BMPR1A: variants seen among roughly 807,000 people sequenced by gnomAD.
BMPR1A encodes bone morphogenetic protein receptor type-1A.
BMPR1A carries 7 observed loss-of-function variants against 66.0 expected under a neutral mutation model. That is an observed-to-expected ratio of 0.11 (90% CI 0.06 to 0.20). The LOEUF (loss-of-function observed/expected upper bound fraction) is 0.20. BMPR1A is among the 10% of genes least tolerant of loss of function. BMPR1A has a pLI of 1.00. For missense variants in BMPR1A, 408 were observed against 669.1 expected, an observed-to-expected ratio of 0.61 and a Z score of 4.31; for synonymous variants, 200 against 229.7, an observed-to-expected ratio of 0.87 and a Z score of 1.17.
chr10:86,778,194 AT>A (rs1287489148), intron 1 of BMPR1A, among the ~76,000 whole-genome samples: 2 of 151,404 alleles, frequency 1.3e-5, no homozygotes, highest in African/African-American at 4.9e-5. Context: ...ACCAACACAA[AT>A]TCCTAAACTT....
At chr10:86,821,308 A>T (rs756090247) in intron 1 of BMPR1A, among the ~76,000 whole-genome samples, 8 of 152,234 alleles carry the variant, frequency 5.3e-5, no homozygotes, top group Non-Finnish European at 1.2e-4. Flanking sequence ...TGCTGTAAGT[A>T]TTAAGTGAGC....
chr10:86,924,055 G>C lies in BMPR1A; in HGVS notation c.*336G>C, dbSNP rs1843707469. On this transcript the variant is annotated 3_prime_UTR_variant, in exon 13 of 13. Transcript: ENST00000372037. Reference sequence around the variant, plus strand: ...TACTGAATTGCCTGTTCATAAAACGGTGCTTTCTGTGAAAGCCTTAAGAAG... The same window carrying C: ...TACTGAATTGCCTGTTCATAAAACGCTGCTTTCTGTGAAAGCCTTAAGAAG... 2.4e-6 allele frequency: 1 copy of C among 415,808 alleles called. No individual in the cohort carries two copies. Among genetic ancestry groups the C allele is most frequent in the Non-Finnish European group, 4.5e-6 (1 of 224,066 alleles). 25.8% of individuals were successfully genotyped at this position (415,808 alleles called of 1,614,324 possible). A position where few individuals can be genotyped will look rare whatever the true frequency, so the allele number is the denominator to read the frequency against.
At chr10:86,812,736 T>C (rs1841988261) in intron 1 of BMPR1A, among the ~76,000 whole-genome samples, 1 of 152,172 alleles carries the variant, frequency 6.6e-6, no homozygotes, top group African/African-American at 2.4e-5. Flanking sequence ...GTACATAGCC[T>C]GCCCCACTCT....
At chr10:86,894,385 G>A (rs527686241) in intron 5 of BMPR1A, among the ~76,000 whole-genome samples, 112 of 152,290 alleles carry the variant, frequency 7.4e-4, no homozygotes, top group Admixed American at 2.0e-3. Flanking sequence ...TATCGTATAA[G>A]CATTAATCCT....
intron 2 of BMPR1A, among the ~76,000 whole-genome samples, chr10:86,866,402 T>TTTTTTTTC (rs1247352671): frequency 1.3e-4 from 13 of 96,364 alleles, no homozygotes; most frequent in African/African-American, 5.4e-4. Context: ...TTTCTTTCTT[T>TTTTTTTTC]TTTTTTTTTT....
chr10:86,777,460 A>G (rs1267700682), intron 1 of BMPR1A, among the ~76,000 whole-genome samples: 1 of 152,152 alleles, frequency 6.6e-6, no homozygotes, highest in Non-Finnish European at 1.5e-5. Flanking sequence ...ATATGCCCGT[A>G]GTTCCAGCTA....
intron 2 of BMPR1A, among the ~76,000 whole-genome samples, chr10:86,873,118 A>G (rs538695060): frequency 6.6e-6 from 1 of 152,302 alleles, no homozygotes; most frequent in African/African-American, 2.4e-5. Flanking sequence ...TGTGGCTCTA[A>G]TGAGACAAGG....
chr10:86,775,132 G>C (rs1024507230), intron 1 of BMPR1A, among the ~76,000 whole-genome samples: 1 of 152,196 alleles, frequency 6.6e-6, no homozygotes, highest in Non-Finnish European at 1.5e-5. Context: ...TCTTTGCTAA[G>C]CATGTAATCT....
At position 86,803,448 on chromosome 10, in the gene BMPR1A, A is replaced by AT. The variant is rs542354831; in HGVS notation, c.-267-35410dup. ...TTTACTTTTGATGTCAAACTTAGAC[A>AT]TTTTTTTCCCCATTACAGTAGTGTT... On this transcript the variant is annotated intron_variant, in intron 1 of 12. Coordinates refer to ENST00000372037, the MANE Select transcript of BMPR1A (RefSeq NM_004329.3). 4.7e-4 allele frequency among the ~76,000 whole-genome samples: 71 copies of AT among 150,464 alleles called. 1 individual carries two copies. The South Asian group carries it at 0.014, about 30-fold the overall frequency.
chr10:86,805,493 G>C (rs1184973968), intron 1 of BMPR1A, among the ~76,000 whole-genome samples: 1 of 127,108 alleles, frequency 7.9e-6, no homozygotes, highest in Non-Finnish European at 1.6e-5. Flanking sequence ...ACGGAGTCTC[G>C]CTCTGTCGCC....
At chr10:86,864,046 A>G (rs1842747903) in intron 2 of BMPR1A, among the ~76,000 whole-genome samples, 1 of 152,222 alleles carries the variant, frequency 6.6e-6, no homozygotes, top group African/African-American at 2.4e-5. Flanking sequence ...CCACTTGACC[A>G]GCTGGAACTA....
intron 1 of BMPR1A, among the ~76,000 whole-genome samples, chr10:86,768,310 A>C (rs1050541996): frequency 1.3e-5 from 2 of 152,220 alleles, no homozygotes; most frequent in African/African-American, 2.4e-5. Flanking sequence ...AAGTACATTA[A>C]AAAAACTGTT....
At position 86,924,131 on chromosome 10, in the gene BMPR1A, A is replaced by G. The variant is rs1843708046; in HGVS notation, c.*412A>G. The G allele has an allele frequency of 2.8e-6, 1 of 359,724 alleles. No homozygotes were observed. Among genetic ancestry groups the G allele is most frequent in the Non-Finnish European group, 5.2e-6 (1 of 194,104 alleles). The allele number at this position is 359,724 out of a possible 1,614,324, so 22.3% of individuals were successfully genotyped here. The stretch of plus-strand genomic sequence containing the variant: ...AAATAGACTTTGCCTTTTACCTGAG[A>G]CTTTCAGTTCGTTTGTATTCTACCT... On this transcript the variant is annotated 3_prime_UTR_variant, in exon 13 of 13. Coordinates refer to ENST00000372037, the MANE Select transcript of BMPR1A (RefSeq NM_004329.3).
chr10:86,914,467 C>CA (rs1198105225), intron 8 of BMPR1A, among the ~76,000 whole-genome samples: 1 of 152,136 alleles, frequency 6.6e-6, no homozygotes, highest in Non-Finnish European at 1.5e-5. Flanking sequence ...CACAGATTGG[C>CA]AAAACAGATC....
At chr10:86,883,413 G>C (rs1329405098) in intron 3 of BMPR1A, among the ~76,000 whole-genome samples, 8 of 152,022 alleles carry the variant, frequency 5.3e-5, no homozygotes, top group African/African-American at 7.3e-5. Context: ...AGCCGGGCGT[G>C]GTGGCGGGCG....
rs1418337908 is a variant in BMPR1A, at chr10:86,855,190, C to CA, written c.-153+16212dup. ...ACCTGCTGGGATTACAGGCGTGAGC[C>CA]ACCACACCCTGCGTCGCTAAGTTTT... On this transcript the variant is annotated intron_variant, in intron 2 of 12. Coordinates refer to ENST00000372037, the MANE Select transcript of BMPR1A (RefSeq NM_004329.3). 4 of 595,848 alleles carry CA rather than the reference C, an allele frequency of 6.7e-6. No homozygotes were observed. The African/African-American group carries it at 7.6e-5, about 11-fold the overall frequency. 36.9% of individuals were successfully genotyped at this position (595,848 alleles called of 1,614,324 possible).
chr10:86,923,428 G>A lies in BMPR1A; in HGVS notation c.1395G>A (p.Pro465=), dbSNP rs55845713. The change falls in exon 12 of 13, where the codon CCG becomes CCA. Residue 465 remains proline (P), a synonymous_variant. Transcript: ENST00000372037. ...ATTACAACATGGTACCGAGTGATCC[G>A]TCATACGAAGATATGCGTGAGGTTG... ...LPYYNMVPSD[P]SYEDMREVVC... is the part of the protein sequence containing the mutation. 15 of 1,614,050 alleles carry A rather than the reference G, an allele frequency of 9.3e-6. No individual in the cohort carries two copies. The highest frequency in any genetic ancestry group is 5.0e-5 in the Admixed American group (3 of 59,996).
At chr10:86,918,842 C>T (rs1023429697) in intron 9 of BMPR1A, among the ~76,000 whole-genome samples, 6 of 152,066 alleles carry the variant, frequency 3.9e-5, no homozygotes, top group Non-Finnish European at 7.4e-5. Context: ...AGGCTGGTCT[C>T]GAGCTCCTGA....
intron 2 of BMPR1A, among the ~76,000 whole-genome samples, chr10:86,845,881 C>T (rs1170852511): frequency 6.6e-6 from 1 of 151,936 alleles, no homozygotes. Flanking sequence ...CCTGTAGTCC[C>T]AGCTACTCGG....
Sources: gnomAD v4.1 joint callset for allele counts (sites outside exome capture counted in the v4.1 genomes callset) on GRCh38, gnomAD v4.1.1 for gene constraint, MANE v1.5 for transcripts, NCBI Gene and HGNC (gene_info 2026-07-23, HGNC 2026-07-21) for gene names.